Variants in CAMK2D observed in about 807,000 individuals in gnomAD.
CAMK2D encodes the protein calcium/calmodulin-dependent protein kinase type II subunit delta.
Under a neutral mutation model 84.0 loss-of-function variants are expected in CAMK2D, and 37 were observed. The ratio of observed to expected loss-of-function variants is 0.44; its 90% CI spans 0.34 to 0.58. The LOEUF (loss-of-function observed/expected upper bound fraction) is 0.58, where lower values mean the gene tolerates loss of function less well. Ranked by LOEUF, CAMK2D falls within the 20% of genes least tolerant of loss-of-function variation. CAMK2D has a pLI of 0.02. For synonymous variants in CAMK2D, 202 were observed against 212.5 expected, an observed-to-expected ratio of 0.95 and a Z score of 0.43; for missense variants, 448 against 652.5, an observed-to-expected ratio of 0.69 and a Z score of 3.41.
intron 2 of CAMK2D, among the ~76,000 whole-genome samples, chr4:113,755,363 G>A (rs777736723): frequency 1.3e-5 from 2 of 151,888 alleles, no homozygotes; most frequent in Non-Finnish European, 3.0e-5. Flanking sequence ...GATTAAGCCT[G>A]AAGTTTTACA....
rs2097254353 is a variant in CAMK2D, at chr4:113,451,060, A to G, written c.*3485T>C. ...ATAGAAGTCAGTAGAATTTTATTCA[A>G]TGAAATCACTCGAAAGCTGTGTCAT... On this transcript the variant is annotated 3_prime_UTR_variant, in exon 21 of 21. Coordinates refer to ENST00000511664, the MANE Select transcript of CAMK2D (RefSeq NM_001321571.2). 1 of 152,372 alleles carries G rather than the reference A, an allele frequency of 6.6e-6. No homozygotes were observed. Among genetic ancestry groups the G allele is most frequent in the South Asian group, 2.1e-4 (1 of 4,830 alleles). 9.4% of individuals were successfully genotyped at this position (152,372 alleles called of 1,614,324 possible). A position where few individuals can be genotyped will look rare whatever the true frequency, so the allele number is the denominator to read the frequency against.
chr4:113,575,820 T>C (rs931106649), intron 4 of CAMK2D, among the ~76,000 whole-genome samples: 1 of 152,056 alleles, frequency 6.6e-6, no homozygotes, highest in Admixed American at 6.6e-5. Flanking sequence ...GGCCTGAGAG[T>C]CTTTGTGGAA....
chr4:113,645,183 A>T (rs901863474), intron 3 of CAMK2D, among the ~76,000 whole-genome samples: 2 of 151,620 alleles, frequency 1.3e-5, no homozygotes, highest in African/African-American at 4.8e-5. Context: ...CGCCCAGCTA[A>T]TTTTTTGCAT....
chr4:113,557,045 A>G lies in CAMK2D; in HGVS notation c.276-4949T>C, dbSNP rs111867565. On this transcript the variant is annotated intron_variant, in intron 4 of 20. Coordinates refer to ENST00000511664, the MANE Select transcript of CAMK2D (RefSeq NM_001321571.2). ...GTGAAGAGGCCCAACCACTTTTTCT[A>G]TTATGTAGGTACAGATCTCTAACTA... Among the ~76,000 whole-genome samples, 1,299 of 152,232 alleles carry G rather than the reference A, an allele frequency of 8.5e-3. 16 individuals are homozygous for G. Among genetic ancestry groups the G allele is most frequent in the Non-Finnish European group, 0.015 (1,041 of 68,004 alleles).
chr4:113,524,597 AT>A (rs2098402385), intron 8 of CAMK2D, among the ~76,000 whole-genome samples: 1 of 152,156 alleles, frequency 6.6e-6, no homozygotes, highest in Non-Finnish European at 1.5e-5. Flanking sequence ...TGTTACTATG[AT>A]CATAGGTGTA....
At chr4:113,685,498 C>G (rs1198042926) in intron 2 of CAMK2D, among the ~76,000 whole-genome samples, 1 of 151,974 alleles carries the variant, frequency 6.6e-6, no homozygotes, top group African/African-American at 2.4e-5. Flanking sequence ...ACTCAGCCTC[C>G]CAAAGTGTTG....
chr4:113,576,307 T>C (rs2098782004), intron 4 of CAMK2D, among the ~76,000 whole-genome samples: 1 of 152,218 alleles, frequency 6.6e-6, no homozygotes, highest in African/African-American at 2.4e-5. Flanking sequence ...GCACGTTTGC[T>C]TCTAATCTCC....
rs1463215228 is a variant in CAMK2D, at chr4:113,704,464, C to CA, written c.161-42693_161-42692insT. Among the ~76,000 whole-genome samples, 152 of 152,134 alleles carry CA rather than the reference C, an allele frequency of 1.0e-3. 1 individual carries two copies. Among genetic ancestry groups the CA allele is most frequent in the African/African-American group, 3.5e-3 (145 of 41,536 alleles). On this transcript the variant is annotated intron_variant, in intron 2 of 20. Transcript: ENST00000511664. ...CAAATTCATTTTATTTAAAGCAAGT[C>CA]CATAATCACATTTTATTCTTACTAG... is the stretch of plus-strand genomic sequence containing the variant.
In CAMK2D at chr4:113,636,552, C is replaced by G. The variant is rs183505787; in HGVS notation, c.220+25161G>C. Among the ~76,000 whole-genome samples the G allele has an allele frequency of 8.2e-4, 125 of 152,290 alleles. 2 individuals are homozygous for G. The highest frequency in any genetic ancestry group is 2.9e-3 in the African/African-American group (122 of 41,568). ...AACACCATTAGACTGGTGGCTTACA[C>G]AACATATTTATTTCTCACAGTTCCG... On this transcript the variant is annotated intron_variant, in intron 3 of 20. Transcript: ENST00000511664.
In CAMK2D at chr4:113,761,133, A is replaced by T; in HGVS notation, c.-65T>A. ...CCAGAAGCGAGCAGACGCGCGGCTA[A>T]CCCCGGGACTGGCCCCGCGGCGCTG... is the stretch of plus-strand genomic sequence containing the variant. On this transcript the variant is annotated 5_prime_UTR_variant, in exon 1 of 21. Transcript: ENST00000511664. 6.3e-7 allele frequency: 1 copy of T among 1,596,858 alleles called. No homozygotes were observed. The highest frequency in any genetic ancestry group is 8.5e-7 in the Non-Finnish European group (1 of 1,171,604).
intron 3 of CAMK2D, among the ~76,000 whole-genome samples, chr4:113,643,404 G>A (rs191845924): frequency 1.2e-3 from 177 of 152,278 alleles, no homozygotes; most frequent in Non-Finnish European, 2.3e-3. Context: ...GTCATACCTG[G>A]GTGCTCATGC....
chr4:113,663,573 C>A (rs10428462), intron 2 of CAMK2D, among the ~76,000 whole-genome samples: 7 of 142,794 alleles, frequency 4.9e-5, no homozygotes, highest in African/African-American at 8.7e-5. Flanking sequence ...TGGGTGACAG[C>A]GGGAGGCTCT....
chr4:113,666,292 A>G (rs1368872063), intron 2 of CAMK2D, among the ~76,000 whole-genome samples: 1 of 152,248 alleles, frequency 6.6e-6, no homozygotes, highest in African/African-American at 2.4e-5. Flanking sequence ...GCATTAAAAT[A>G]TTAACCTTGT....
rs190958579 is a variant in CAMK2D, at chr4:113,485,565, C to T, written c.1135+14898G>A. Among the ~76,000 whole-genome samples the T allele has an allele frequency of 2.6e-5, 4 of 152,298 alleles. No individual in the cohort carries two copies. The East Asian group carries it at 7.7e-4, about 29-fold the overall frequency. ...AGACATAGTCTTAAAACTGGTCTAA[C>T]CATCTTTGGTCTTATAGCCTTCAAA... is the stretch of plus-strand genomic sequence containing the variant. On this transcript the variant is annotated intron_variant, in intron 16 of 20. Coordinates refer to ENST00000511664, the MANE Select transcript of CAMK2D (RefSeq NM_001321571.2).
chr4:113,507,616 ATAAT>A (rs138249888), intron 13 of CAMK2D, among the ~76,000 whole-genome samples: 3,544 of 152,250 alleles, frequency 0.023, 71 homozygotes, highest in Middle Eastern at 0.075. Flanking sequence ...TTTGTGTGAT[ATAAT>A]TATTTTATGT....
At chr4:113,678,741 C>G (rs2099328658) in intron 2 of CAMK2D, among the ~76,000 whole-genome samples, 1 of 152,066 alleles carries the variant, frequency 6.6e-6, no homozygotes, top group Admixed American at 6.6e-5. Context: ...TTCTGTGATT[C>G]TTAAAGGTCT....
chr4:113,557,387 T>C (rs2098672117), intron 4 of CAMK2D, among the ~76,000 whole-genome samples: 1 of 152,216 alleles, frequency 6.6e-6, no homozygotes, highest in African/African-American at 2.4e-5. Context: ...GGCCCTCTCT[T>C]TCTTGCTCTA....
intron 2 of CAMK2D, among the ~76,000 whole-genome samples, chr4:113,662,516 A>AC (rs2154314734): frequency 6.6e-6 from 1 of 152,334 alleles, no homozygotes; most frequent in Non-Finnish European, 1.5e-5. Context: ...TATGGTAGAA[A>AC]CACATGTTGC....
At chr4:113,653,637 T>C (rs1180004589) in intron 3 of CAMK2D, among the ~76,000 whole-genome samples, 1 of 152,072 alleles carries the variant, frequency 6.6e-6, no homozygotes, top group South Asian at 2.1e-4. Context: ...CTTTGTTTTC[T>C]CAGTAGATCA....
Sources: allele counts gnomAD v4.1 joint callset (sites outside exome capture counted in the v4.1 genomes callset), GRCh38; gene constraint gnomAD v4.1.1; transcripts MANE v1.5; gene names NCBI Gene and HGNC (gene_info 2026-07-23, HGNC 2026-07-21).